The following HDAC6 variants were observed in gnomAD, a reference collection of about 807,000 sequenced individuals.
The protein encoded by HDAC6 is histone deacetylase 6, also known as protein deacetylase HDAC6.
A neutral mutation model predicts 88.9 loss-of-function variants in HDAC6; 5 were observed. The ratio of observed to expected loss-of-function variants is 0.06; its 90% CI spans 0.03 to 0.12. The LOEUF is 0.12. Ranked by LOEUF, HDAC6 falls within the 10% of genes least tolerant of loss-of-function variation. The pLI, the probability that HDAC6 is intolerant of heterozygous loss-of-function variation, is 1.00. For synonymous variants in HDAC6, 378 were observed against 398.0 expected (o/e 0.95, Z 0.60); for missense variants, 706 against 1,014.4 (o/e 0.70, Z 4.13).
rs1283765089 is a variant in HDAC6, at chrX:48,814,550, A to G, written c.917A>G (p.Asn306Ser). 2 of 1,212,108 alleles carry G rather than the reference A, an allele frequency of 1.7e-6. No individual in the cohort carries two copies. The highest frequency in any genetic ancestry group is 3.5e-5 in the South Asian group (2 of 57,016). ...GGCCAAGGCCAAGGATATACCATCA[A>G]TGTGCCTTGGAACCAGGTCAGCATC... is the stretch of plus-strand genomic sequence containing the variant. Reference protein sequence around the residue: ...GFGQGQGYTINVPWNQVGMRD... With the variant: ...GFGQGQGYTISVPWNQVGMRD... The change falls in exon 11 of 29, where the codon AAT becomes AGT. Residue 306 changes from asparagine (N) to serine (S), a missense_variant. By Grantham distance (46) the Asn-to-Ser change is conservative. Around this residue, in one of 9 missense-constraint regions of HDAC6, gnomAD observed 193 missense variants for 258.2 expected, o/e 0.75. Coordinates refer to ENST00000334136, the MANE Select transcript of HDAC6 (RefSeq NM_006044.4).
chrX:48,819,700 C>A (rs2063048866), intron 22 of HDAC6: 3 of 250,950 alleles, frequency 1.2e-5, no homozygotes, highest in African/African-American at 5.8e-5. Flanking sequence ...CCCGCCACCA[C>A]GTCTGGCTAA....
chrX:48,817,550 C>T lies in HDAC6; in HGVS notation c.1925+91C>T, dbSNP rs900301677. 26 of 896,999 alleles carry T rather than the reference C, an allele frequency of 2.9e-5. No homozygotes were observed. The African/African-American group carries it at 4.4e-4, about 15-fold the overall frequency. The allele number at this position is 896,999 out of a possible 1,213,427, so 73.9% of individuals were successfully genotyped here. A position where few individuals can be genotyped will look rare whatever the true frequency, so the allele number is the denominator to read the frequency against. ...CATTGTTTACTCATGCCCCATGGTC[C>T]AGCTCCCAGGACTTCCTTCCCCAGA... On this transcript the variant is annotated intron_variant, in intron 20 of 28. Coordinates refer to ENST00000334136, the MANE Select transcript of HDAC6 (RefSeq NM_006044.4).
intron 10 of HDAC6, chrX:48,810,774 A>C (rs2147348816): frequency 9.1e-6 from 1 of 110,021 alleles, no homozygotes; most frequent in African/African-American, 3.3e-5. Context: ...ATACCCAGCT[A>C]ATTTTTTAAT....
chrX:48,802,751 C>G lies in HDAC6; in HGVS notation c.59C>G (p.Pro20Arg), dbSNP rs2062747670. 1 of 1,206,442 alleles carries G rather than the reference C, an allele frequency of 8.3e-7. No individual in the cohort carries two copies. ...AGGCAGCGAAGAAGTAGGCAGAACC[C>G]CCAGTCGCCCCCTCAGGACTCCAGT... The part of the protein sequence containing the change: ...TTRQRRSRQN[P>R]QSPPQDSSVT... Residue 20 changes from proline to arginine, a missense_variant, in exon 2 of 29, where the codon CCC (proline) becomes CGC (arginine). By Grantham distance (103) the Pro-to-Arg change is moderately radical (BLOSUM62 -2). This residue lies in a region of HDAC6 where 193 missense variants were observed against 258.2 expected (regional missense o/e 0.75). Transcript: ENST00000334136.
chrX:48,811,388 CCTTCT>C (rs782312348), intron 10 of HDAC6, among the ~76,000 whole-genome samples: 6 of 112,070 alleles, frequency 5.4e-5, no homozygotes, highest in Non-Finnish European at 1.1e-4. Context: ...TTTTCTTGGT[CCTTCT>C]CTTTTATGCT....
chrX:48,802,842 G>A (rs781936382), intron 2 of HDAC6, 29 bp from the exon 3 acceptor site: 10 of 1,207,655 alleles, frequency 8.3e-6, no homozygotes, highest in Non-Finnish European at 1.1e-5. Flanking sequence ...GTCATGCCCT[G>A]GACTCTGACC....
In HDAC6 at chrX:48,823,233, G is replaced by C. The variant is rs782237361; in HGVS notation, c.2834G>C (p.Gly945Ala). 6 of 1,200,780 alleles carry C rather than the reference G, an allele frequency of 5.0e-6. No individual in the cohort carries two copies. The highest frequency in any genetic ancestry group is 2.3e-4 in the Middle Eastern group (1 of 4,354). The stretch of plus-strand genomic sequence containing the variant: ...ACCACCTCAGAGGAGGCTGTCGGGG[G>C]AGCCACTCCGGACCAGACCACCTCA... ...GQTTSEEAVG[G>A]ATPDQTTSEE... Residue 945 changes from glycine to alanine, a missense_variant, in exon 25 of 29, where the codon GGA (glycine) becomes GCA (alanine). Physicochemically the swap from Gly to Ala is moderately conservative, Grantham distance 60. Coordinates refer to ENST00000334136, the MANE Select transcript of HDAC6 (RefSeq NM_006044.4).
In HDAC6 at chrX:48,816,410, G is replaced by A; in HGVS notation, c.1623-55G>A. ...GTCCCTGTCTTAGGGGTGGGGACCA[G>A]GGAGGGGACAGACCCTCCTCACTGT... On this transcript the variant is annotated intron_variant, in intron 18 of 28. Transcript: ENST00000334136. 9 of 1,135,453 alleles carry A rather than the reference G, an allele frequency of 7.9e-6. No homozygotes were observed. The South Asian group carries it at 1.8e-4, about 23-fold the overall frequency. The allele number at this position is 1,135,453 out of a possible 1,213,427, so 93.6% of individuals were successfully genotyped here. A position where few individuals can be genotyped will look rare whatever the true frequency, so the allele number is the denominator to read the frequency against.
intron 23 of HDAC6, among the ~76,000 whole-genome samples, chrX:48,820,825 TTTGTTGTTG>T (rs374985832): frequency 9.0e-6 from 1 of 110,824 alleles, no homozygotes; most frequent in African/African-American, 3.3e-5. Flanking sequence ...GATCTGGTTT[TTTGTTGTTG>T]TTGTTGTTGT....
At chrX:48,812,912 C>T (rs1258994170) in intron 10 of HDAC6, among the ~76,000 whole-genome samples, 2 of 109,971 alleles carry the variant, frequency 1.8e-5, no homozygotes, top group African/African-American at 6.6e-5. Flanking sequence ...TTTTCTTTTC[C>T]TTTCTTTTTT....
At chrX:48,824,500 G>A (rs368570596) in intron 28 of HDAC6, 44 bp from the exon 29 acceptor site, 40 of 1,140,784 alleles carry the variant, frequency 3.5e-5, no homozygotes, top group Non-Finnish European at 4.7e-5. Context: ...AGGTAGAGGG[G>A]TCCTCACTCT....
At chrX:48,824,383 C>T (rs2063134013) in intron 28 of HDAC6, 89 bp downstream of exon 28, 10 of 1,105,288 alleles carry the variant, frequency 9.0e-6, no homozygotes, top group Non-Finnish European at 1.2e-5. Context: ...GACCACAGGC[C>T]CCTCTGCATG....
intron 10 of HDAC6, among the ~76,000 whole-genome samples, chrX:48,810,342 C>T (rs2062881576): frequency 9.0e-6 from 1 of 111,174 alleles, no homozygotes; most frequent in African/African-American, 3.3e-5. Flanking sequence ...TCTCAAAGCA[C>T]TGAGATTACA....
rs1319367447 is a variant in HDAC6 at position 48,824,471 on chromosome X, G to T, written c.3580-73G>T. On this transcript the variant is annotated intron_variant, in intron 28 of 28. Transcript: ENST00000334136. ...AGACAGAGTGGTTGAGGGCTGGAGT[G>T]GGGGCAGCCCTGCAGCCGAGGTAGA... is the stretch of plus-strand genomic sequence containing the variant. The T allele has an allele frequency of 4.6e-6, 5 of 1,076,058 alleles. No homozygotes were observed. The African/African-American group carries it at 7.4e-5, about 16-fold the overall frequency. 88.7% of individuals were successfully genotyped at this position (1,076,058 alleles called of 1,213,427 possible). A position where few individuals can be genotyped will look rare whatever the true frequency, so the allele number is the denominator to read the frequency against.
intron 10 of HDAC6, chrX:48,814,216 G>GA (rs2062945272): frequency 2.4e-6 from 1 of 418,721 alleles, no homozygotes; most frequent in East Asian, 4.0e-5. Context: ...AGATAAGAAT[G>GA]AAAAAATGGT....
chrX:48,815,162 A>G, intron 14 of HDAC6, 111 bp downstream of exon 14: 2 of 670,311 alleles, frequency 3.0e-6, no homozygotes, highest in African/African-American at 2.1e-5. Context: ...TAGCTGGACA[A>G]CCTTGCATAA....
At chrX:48,801,954 G>A, upstream of HDAC6, 1 of 967,942 alleles carries the variant, frequency 1.0e-6, no homozygotes, top group Non-Finnish European at 1.3e-6. Flanking sequence ...GGTGAGTACA[G>A]CGCGTCGACG....
rs782530598 is a variant in HDAC6, at chrX:48,815,408, G to C, written c.1174G>C (p.Ala392Pro). The stretch of plus-strand genomic sequence containing the variant: ...GGGTGGCTACAACCTCCGCGCCCTG[G>C]CTGAAGGCGTCAGTGCTTCGCTCCA... ...LEGGYNLRAL[A>P]EGVSASLHTL... is the part of the protein sequence containing the mutation. The change falls in exon 15 of 29, where the codon GCT becomes CCT. Residue 392 changes from alanine to proline, a missense_variant. Coordinates refer to ENST00000334136, the MANE Select transcript of HDAC6 (RefSeq NM_006044.4). 8 of 1,204,307 alleles carry C rather than the reference G, an allele frequency of 6.6e-6. No individual in the cohort carries two copies. The highest frequency in any genetic ancestry group is 9.0e-6 in the Non-Finnish European group (8 of 891,489).
intron 4 of HDAC6, among the ~76,000 whole-genome samples, chrX:48,805,231 T>C (rs1172511215): frequency 9.0e-6 from 1 of 111,352 alleles, no homozygotes; most frequent in African/African-American, 3.3e-5. Context: ...GCCGAGGAGA[T>C]GCCGCCACAG....
Sources: gnomAD v4.1 joint callset for allele counts (sites outside exome capture counted in the v4.1 genomes callset) on GRCh38, gnomAD v4.1.1 for gene constraint, gnomAD v4.1.1 regional missense constraint, MANE v1.5 for transcripts, NCBI Gene and HGNC (gene_info 2026-07-23, HGNC 2026-07-21) for gene names.